Variants in SYT9 observed in about 807,000 individuals in gnomAD.
SYT9 encodes synaptotagmin-9.
Under a neutral mutation model 48.4 loss-of-function variants are expected in SYT9, and 22 were observed. The ratio of observed to expected loss-of-function variants is 0.45; its 90% CI spans 0.32 to 0.65. SYT9 has a LOEUF of 0.65. SYT9 is among the 30% of genes least tolerant of loss of function. The pLI is 0.03. For synonymous variants in SYT9, 265 were observed against 245.0 expected (o/e 1.08, Z -0.76); for missense variants, 577 against 622.0 (o/e 0.93, Z 0.77).
intron 3 of SYT9, among the ~76,000 whole-genome samples, chr11:7,374,157 T>A (rs1564881121): frequency 6.6e-6 from 1 of 152,034 alleles, no homozygotes; most frequent in Non-Finnish European, 1.5e-5. Flanking sequence ...CACTTATGAG[T>A]GAGAATATGC....
At chr11:7,292,089 C>T (rs184489290) in intron 1 of SYT9, among the ~76,000 whole-genome samples, 1 of 152,232 alleles carries the variant, frequency 6.6e-6, no homozygotes, top group East Asian at 1.9e-4. Flanking sequence ...AAAGTCACTT[C>T]TCATGGAAGG....
At chr11:7,442,824 ACT>A (rs1480398635) in intron 6 of SYT9, among the ~76,000 whole-genome samples, 1 of 151,488 alleles carries the variant, frequency 6.6e-6, no homozygotes, top group Non-Finnish European at 1.5e-5. Flanking sequence ...ACTCTTCAGG[ACT>A]CTGATGGGTT....
intron 3 of SYT9, among the ~76,000 whole-genome samples, chr11:7,407,843 A>G (rs552965271): frequency 4.2e-4 from 64 of 152,324 alleles, no homozygotes; most frequent in African/African-American, 1.4e-3. Context: ...CTGTAAATAC[A>G]TGGATTCATT....
At chr11:7,438,525 C>G (rs1361867098) in intron 6 of SYT9, 2 of 152,936 alleles carry the variant, frequency 1.3e-5, no homozygotes, top group African/African-American at 4.8e-5. Context: ...TTGGCCCACC[C>G]ATCTGCCTCC....
intron 3 of SYT9, among the ~76,000 whole-genome samples, chr11:7,404,386 CT>C: frequency 6.6e-6 from 1 of 152,054 alleles, no homozygotes; most frequent in East Asian, 1.9e-4. Flanking sequence ...TTCTCTTTTC[CT>C]TTTCGCTGCC....
intron 3 of SYT9, among the ~76,000 whole-genome samples, chr11:7,319,631 G>A (rs1169044863): frequency 6.6e-6 from 1 of 152,172 alleles, no homozygotes. Flanking sequence ...TTGTATTAAT[G>A]GTTAGAAACT....
At chr11:7,425,878 C>T (rs911806568) in intron 6 of SYT9, among the ~76,000 whole-genome samples, 1 of 152,084 alleles carries the variant, frequency 6.6e-6, no homozygotes, top group Non-Finnish European at 1.5e-5. Context: ...AGTCCAGCAT[C>T]GTGTCTCATG....
chr11:7,374,687 G>A (rs183033518), intron 3 of SYT9, among the ~76,000 whole-genome samples: 45 of 152,104 alleles, frequency 3.0e-4, no homozygotes, highest in African/African-American at 1.1e-3. Flanking sequence ...TGCGCTTTTT[G>A]CCATATGTTT....
At chr11:7,379,527 A>G (rs147048420) in intron 3 of SYT9, among the ~76,000 whole-genome samples, 36 of 152,116 alleles carry the variant, frequency 2.4e-4, no homozygotes, top group South Asian at 2.1e-4. Context: ...GAATATTCTA[A>G]ATCTTCTTGT....
chr11:7,281,384 T>A (rs1457637202), intron 1 of SYT9, among the ~76,000 whole-genome samples: 2 of 152,206 alleles, frequency 1.3e-5, no homozygotes, highest in Non-Finnish European at 1.5e-5. Flanking sequence ...CATGTAAAGG[T>A]ACCCCTCTCA....
At chr11:7,430,099 C>G (rs559496855) in intron 6 of SYT9, among the ~76,000 whole-genome samples, 1 of 152,152 alleles carries the variant, frequency 6.6e-6, no homozygotes, top group Non-Finnish European at 1.5e-5. Flanking sequence ...AAGATCTACA[C>G]TCTTTTAACA....
At chr11:7,304,139 A>G (rs570308271) in intron 2 of SYT9, among the ~76,000 whole-genome samples, 5 of 152,356 alleles carry the variant, frequency 3.3e-5, no homozygotes, top group Non-Finnish European at 5.9e-5. Flanking sequence ...TCTTCAAAAG[A>G]GGAGTAGATA....
chr11:7,336,463 A>G (rs1390251595), intron 3 of SYT9, among the ~76,000 whole-genome samples: 1 of 152,124 alleles, frequency 6.6e-6, no homozygotes, highest in Non-Finnish European at 1.5e-5. Context: ...CAGGATTTTT[A>G]TAGTTTTGGG....
At chr11:7,355,927 A>G (rs1176804366) in intron 3 of SYT9, among the ~76,000 whole-genome samples, 1 of 152,202 alleles carries the variant, frequency 6.6e-6, no homozygotes, top group East Asian at 1.9e-4. Flanking sequence ...TCTTGTGTCT[A>G]CCACAGTGAG....
At chr11:7,299,356 T>C (rs1269528566) in intron 1 of SYT9, among the ~76,000 whole-genome samples, 2 of 152,264 alleles carry the variant, frequency 1.3e-5, no homozygotes, top group South Asian at 4.2e-4. Flanking sequence ...CTAGAAGGCA[T>C]ACTCAGCTAT....
intron 3 of SYT9, among the ~76,000 whole-genome samples, chr11:7,385,365 T>TGTGC (rs1268296185): frequency 7.2e-6 from 1 of 138,346 alleles, no homozygotes; most frequent in African/African-American, 2.6e-5. Context: ...TGTGTGTGTG[T>TGTGC]GTGTGCGTGT....
At chr11:7,294,579 G>GTCTTTCT (rs1564850874) in intron 1 of SYT9, among the ~76,000 whole-genome samples, 1 of 152,172 alleles carries the variant, frequency 6.6e-6, no homozygotes, top group East Asian at 1.9e-4. Context: ...GAAGAAAGAG[G>GTCTTTCT]TAACAGGTCC....
intron 3 of SYT9, among the ~76,000 whole-genome samples, chr11:7,379,891 A>C (rs867662129): frequency 1.4e-4 from 22 of 152,316 alleles, no homozygotes; most frequent in Middle Eastern, 3.4e-3. Context: ...GAGGTTCTTC[A>C]AAAAGCTAAA....
chr11:7,314,472 A>G (rs546855970), intron 3 of SYT9: 2 of 226,318 alleles, frequency 8.8e-6, no homozygotes, highest in Non-Finnish European at 1.8e-5. Context: ...ACAAAATCCA[A>G]GTTACAAGGA....
Sources: gnomAD v4.1 joint callset for allele counts (sites outside exome capture counted in the v4.1 genomes callset) on GRCh38, gnomAD v4.1.1 for gene constraint, MANE v1.5 for transcripts, NCBI Gene and HGNC (gene_info 2026-07-23, HGNC 2026-07-21) for gene names.